TMEM163: variants seen among roughly 807,000 people sequenced by gnomAD.
The protein encoded by TMEM163 is transmembrane protein 163.
Under a neutral mutation model 29.3 loss-of-function variants are expected in TMEM163, and 17 were observed. The ratio of observed to expected loss-of-function variants is 0.58; its 90% CI spans 0.40 to 0.87. The LOEUF (loss-of-function observed/expected upper bound fraction) is 0.87, where lower values mean the gene tolerates loss of function less well. Among genes scored for constraint, TMEM163 ranks in the 40% least tolerant of loss-of-function variants. The pLI, the probability that TMEM163 is intolerant of heterozygous loss-of-function variation, is 0.00. For missense variants in TMEM163, 303 were observed against 381.5 expected, an observed-to-expected ratio of 0.79 and a Z score of 1.71; for synonymous variants, 157 against 160.6, an observed-to-expected ratio of 0.98 and a Z score of 0.17.
At chr2:134,510,306 C>A (rs1443331117) in intron 4 of TMEM163, among the ~76,000 whole-genome samples, 1 of 152,120 alleles carries the variant, frequency 6.6e-6, no homozygotes, top group Non-Finnish European at 1.5e-5. Context: ...ACAGATAGGG[C>A]AGGATCACCA....
intron 2 of TMEM163, among the ~76,000 whole-genome samples, chr2:134,571,120 A>G (rs1681412600): frequency 6.6e-6 from 1 of 152,206 alleles, no homozygotes; most frequent in Admixed American, 6.5e-5. Context: ...CGATTCACAC[A>G]AGGAATTTCT....
chr2:134,580,988 G>A (rs1681679138), intron 2 of TMEM163, among the ~76,000 whole-genome samples: 1 of 152,122 alleles, frequency 6.6e-6, no homozygotes, highest in Admixed American at 6.5e-5. Flanking sequence ...TCTCCAGGCG[G>A]GGCTTCATGA....
chr2:134,491,667 A>G (rs1453482079), intron 5 of TMEM163, among the ~76,000 whole-genome samples: 1 of 152,210 alleles, frequency 6.6e-6, no homozygotes, highest in Non-Finnish European at 1.5e-5. Context: ...TTTCCTTGTT[A>G]TTAAATGGCA....
At chr2:134,679,162 G>C (rs988038873) in intron 2 of TMEM163, among the ~76,000 whole-genome samples, 4 of 152,200 alleles carry the variant, frequency 2.6e-5, no homozygotes, top group African/African-American at 4.8e-5. Context: ...GATCTGGGGT[G>C]GGGGACACAA....
At chr2:134,631,579 G>A (rs898679525) in intron 2 of TMEM163, among the ~76,000 whole-genome samples, 1 of 152,192 alleles carries the variant, frequency 6.6e-6, no homozygotes, top group Non-Finnish European at 1.5e-5. Context: ...GAAAGGCCAA[G>A]GGTCAAATCC....
chr2:134,573,644 T>C (rs1681484482), intron 2 of TMEM163, among the ~76,000 whole-genome samples: 1 of 152,210 alleles, frequency 6.6e-6, no homozygotes, highest in South Asian at 2.1e-4. Context: ...GAGACAGATG[T>C]GATGCCGAGA....
At chr2:134,706,238 C>T (rs1463450597) in intron 2 of TMEM163, among the ~76,000 whole-genome samples, 2 of 152,150 alleles carry the variant, frequency 1.3e-5, no homozygotes, top group East Asian at 3.9e-4. Flanking sequence ...AGAGAATGAG[C>T]TCCTGCATCC....
chr2:134,699,642 C>T (rs1437193759), intron 2 of TMEM163, among the ~76,000 whole-genome samples: 1 of 152,128 alleles, frequency 6.6e-6, no homozygotes, highest in Non-Finnish European at 1.5e-5. Flanking sequence ...CACTGAATTC[C>T]ACAAGTCAAA....
At position 134,505,239 on chromosome 2, in the gene TMEM163, CTTTTTTTTT is replaced by C. The variant is rs78772358; in HGVS notation, c.459-2251_459-2243del. Among the ~76,000 whole-genome samples the C allele has an allele frequency of 5.4e-5, 7 of 130,218 alleles. No homozygotes were observed. The East Asian group carries it at 6.7e-4, about 12-fold the overall frequency. The allele number at this position is 130,218 out of a possible 152,430, so 85.4% of individuals were successfully genotyped here. ...CACATTGTACTCACCTGGGGAATTCCTTTTTTTTTTTTTTTTTTTTTTAAAGTTTCCTGG... is the reference window on the plus strand; with the variant it reads ...CACATTGTACTCACCTGGGGAATTCCTTTTTTTTTTTTTAAAGTTTCCTGG... On this transcript the variant is annotated intron_variant, in intron 4 of 7. Coordinates refer to ENST00000281924, the MANE Select transcript of TMEM163 (RefSeq NM_030923.5).
At chr2:134,509,570 G>T (rs570247220) in intron 4 of TMEM163, among the ~76,000 whole-genome samples, 1 of 152,310 alleles carries the variant, frequency 6.6e-6, no homozygotes, top group Non-Finnish European at 1.5e-5. Context: ...CTTCACCAGG[G>T]TATCTGCATT....
chr2:134,580,765 T>C (rs956897940), intron 2 of TMEM163, among the ~76,000 whole-genome samples: 4 of 152,108 alleles, frequency 2.6e-5, no homozygotes, highest in Non-Finnish European at 5.9e-5. Flanking sequence ...ATACAAAAAT[T>C]AGCCGAGAGT....
chr2:134,514,080 G>A (rs902325471), intron 4 of TMEM163, among the ~76,000 whole-genome samples: 3 of 152,220 alleles, frequency 2.0e-5, no homozygotes, highest in African/African-American at 7.2e-5. Flanking sequence ...GTAAGCCATA[G>A]GCTTGCTGAG....
intron 4 of TMEM163, among the ~76,000 whole-genome samples, chr2:134,516,779 TC>T (rs368466961): frequency 7.0e-5 from 3 of 42,994 alleles, no homozygotes; most frequent in African/African-American, 1.7e-4. Context: ...GCATATCTAT[TC>T]ATATATATAT....
chr2:134,633,053 A>C (rs1376259933), intron 2 of TMEM163, among the ~76,000 whole-genome samples: 2 of 151,718 alleles, frequency 1.3e-5, no homozygotes, highest in African/African-American at 2.4e-5. Context: ...CCACTGCACC[A>C]GGCCAAGGCC....
chr2:134,632,629 T>C (rs1363450953), intron 2 of TMEM163, among the ~76,000 whole-genome samples: 2 of 152,322 alleles, frequency 1.3e-5, no homozygotes, highest in African/African-American at 4.8e-5. Context: ...TGCTGTGTCC[T>C]CAAAGGGTGG....
intron 2 of TMEM163, among the ~76,000 whole-genome samples, chr2:134,561,728 G>A (rs1178596376): frequency 6.6e-6 from 1 of 152,166 alleles, no homozygotes; most frequent in African/African-American, 2.4e-5. Context: ...GCCTGTGGGA[G>A]GCAGGCCTGG....
intron 2 of TMEM163, among the ~76,000 whole-genome samples, chr2:134,682,319 G>T (rs1344560044): frequency 6.6e-6 from 1 of 152,168 alleles, no homozygotes; most frequent in Non-Finnish European, 1.5e-5. Context: ...TCACAAAGCT[G>T]CAACTTCTCT....
At chr2:134,556,630 G>C (rs1410461510) in intron 2 of TMEM163, among the ~76,000 whole-genome samples, 3 of 152,062 alleles carry the variant, frequency 2.0e-5, no homozygotes, top group Non-Finnish European at 4.4e-5. Flanking sequence ...GACCAGACTG[G>C]GCAATATAGT....
chr2:134,693,513 G>A (rs941322691), intron 2 of TMEM163, among the ~76,000 whole-genome samples: 1 of 151,352 alleles, frequency 6.6e-6, no homozygotes, highest in Non-Finnish European at 1.5e-5. Context: ...GGAGGTTGAG[G>A]CAGGAGAATT....
Sources: allele counts gnomAD v4.1 joint callset (sites outside exome capture counted in the v4.1 genomes callset), GRCh38; gene constraint gnomAD v4.1.1; transcripts MANE v1.5; gene names NCBI Gene and HGNC (gene_info 2026-07-23, HGNC 2026-07-21).